The following INTS4 variants were observed in gnomAD, a reference collection of about 807,000 sequenced individuals.
INTS4 encodes MSTP093.
Under a neutral mutation model 119.5 loss-of-function variants are expected in INTS4, and 70 were observed. The ratio of observed to expected loss-of-function variants is 0.59; its 90% CI spans 0.48 to 0.71. The LOEUF (loss-of-function observed/expected upper bound fraction) is 0.71, where lower values mean the gene tolerates loss of function less well. INTS4 is among the 30% of genes least tolerant of loss of function. The pLI is 0.00. For synonymous variants in INTS4, 316 were observed against 419.6 expected (o/e 0.75, Z 3.02); for missense variants, 867 against 1,173.2 (o/e 0.74, Z 3.81).
In INTS4 at chr11:77,936,836, C is replaced by A. The variant is rs581906; in HGVS notation, c.1165+1815G>T. On this transcript the variant is annotated intron_variant, in intron 10 of 22. Transcript: ENST00000534064. The stretch of plus-strand genomic sequence containing the variant: ...AACAATGTCAGTATCCTAATGCATG[C>A]GTAATGAAAGTCGCCAAAGGGCCTG... Among the ~76,000 whole-genome samples the A allele has an allele frequency of 5.2e-4, 79 of 151,920 alleles. 1 individual carries two copies. In the Middle Eastern group the frequency reaches 0.017, roughly 33 times the overall value.
In INTS4 at chr11:77,925,792, T is replaced by TC. The variant is rs1953484411; in HGVS notation, c.1372-901dup. On this transcript the variant is annotated intron_variant, in intron 11 of 22. Transcript: ENST00000534064. ...CACTGTGGTTCACTCCTACTGGCTT[T>TC]CTCTCTATTCTGCAAACACAACAAA... Among the ~76,000 whole-genome samples the TC allele has an allele frequency of 2.0e-5, 3 of 152,200 alleles. No homozygotes were observed. The South Asian group carries it at 6.2e-4, about 31-fold the overall frequency.
In INTS4 at chr11:77,913,695, TATC is replaced by T. The variant is rs1319117914; in HGVS notation, c.1922+5123_1922+5125del. The stretch of plus-strand genomic sequence containing the variant: ...ATATTCTCAAAATGCTTTTGCCACA[TATC>T]ATTACAATAATCTTCGCAACAGTTC... On this transcript the variant is annotated intron_variant, in intron 15 of 22. Coordinates refer to ENST00000534064, the MANE Select transcript of INTS4 (RefSeq NM_033547.4). Among the ~76,000 whole-genome samples the T allele has an allele frequency of 2.0e-5, 3 of 152,218 alleles. 1 individual carries two copies.
chr11:77,924,242 A>AC (rs1300930478), intron 12 of INTS4, among the ~76,000 whole-genome samples: 5 of 151,098 alleles, frequency 3.3e-5, no homozygotes, highest in African/African-American at 4.9e-5. Context: ...TAAAAAAAAA[A>AC]ACAAAAATTA....
Position 77,955,978 on chromosome 11 carries a change from G to A in INTS4, c.882C>T (p.Gly294=), listed in dbSNP as rs1283446296. The change falls in exon 8 of 23, where the codon GGC becomes GGT. Residue 294 remains glycine (G), a synonymous_variant. Transcript: ENST00000534064. The part of the protein sequence containing the change: ...FGKICHMVSD[G]SWVVRVQAAK... ...CTGCCTGAACACGAACCACCCAAGA[G>A]CCATCACTGACCATGTGACAAATTT... 6.2e-7 allele frequency: 1 copy of A among 1,611,648 alleles called. No homozygotes were observed. The highest frequency in any genetic ancestry group is 1.7e-5 in the Admixed American group (1 of 59,964).
At position 77,960,095 on chromosome 11, in the gene INTS4, T is replaced by C. The variant is rs2034499; in HGVS notation, c.708+246A>G. ...CTACACTTTTCTTCAGGTACTCTCA[T>C]TCTCATACTGAACTTTGTAAATCCT... is the stretch of plus-strand genomic sequence containing the variant. On this transcript the variant is annotated intron_variant, in intron 6 of 22. Coordinates refer to ENST00000534064, the MANE Select transcript of INTS4 (RefSeq NM_033547.4). Among the ~76,000 whole-genome samples the C allele has an allele frequency of 0.74, 112,984 of 151,974 alleles. 42,515 individuals carry two copies. The highest frequency in any genetic ancestry group is 0.85 in the African/African-American group (35,139 of 41,490).
intron 2 of INTS4, among the ~76,000 whole-genome samples, chr11:77,989,932 T>G (rs1027912895): frequency 1.3e-5 from 2 of 151,952 alleles, no homozygotes; most frequent in East Asian, 1.9e-4. Flanking sequence ...TAATGATTTT[T>G]GGGCTGGGAA....
At chr11:77,963,261 T>C (rs935468610) in intron 4 of INTS4, among the ~76,000 whole-genome samples, 1 of 150,196 alleles carries the variant, frequency 6.7e-6, no homozygotes, top group South Asian at 2.1e-4. Flanking sequence ...TACAATTTTA[T>C]GATGTCCTTC....
chr11:77,972,837 T>C (rs929086680), intron 4 of INTS4, among the ~76,000 whole-genome samples: 2 of 151,774 alleles, frequency 1.3e-5, no homozygotes, highest in Admixed American at 6.6e-5. Flanking sequence ...GTGGGTTTTT[T>C]TTTTTTTTTA....
rs753573255 is a variant in INTS4 at position 77,979,136 on chromosome 11, T to C, written c.365-34A>G. Reference sequence around the variant, plus strand: ...GGAGATAGAAAGTTGGCTTGTAGAATTTCGAAAGGGGTAACTATATAAACT... The same window carrying C: ...GGAGATAGAAAGTTGGCTTGTAGAACTTCGAAAGGGGTAACTATATAAACT... On this transcript the variant is annotated intron_variant, in intron 3 of 22. Coordinates refer to ENST00000534064, the MANE Select transcript of INTS4 (RefSeq NM_033547.4). 3 of 1,271,562 alleles carry C rather than the reference T, an allele frequency of 2.4e-6. No individual in the cohort carries two copies. In the East Asian group the frequency reaches 7.0e-5, roughly 30 times the overall value. The allele number at this position is 1,271,562 out of a possible 1,614,324, so 78.8% of individuals were successfully genotyped here.
intron 2 of INTS4, among the ~76,000 whole-genome samples, chr11:77,988,816 T>G (rs911720138): frequency 2.0e-5 from 3 of 152,184 alleles, no homozygotes; most frequent in Non-Finnish European, 2.9e-5. Flanking sequence ...GTAAATGAAT[T>G]CAGAAAACAA....
At chr11:77,875,682 T>C (rs1240018819), downstream of INTS4, among the ~76,000 whole-genome samples, 3 of 152,136 alleles carry the variant, frequency 2.0e-5, no homozygotes, top group East Asian at 3.8e-4. Context: ...TACTATACTA[T>C]GTGTGAAGAA....
chr11:77,950,936 T>C (rs1442004248), intron 8 of INTS4, among the ~76,000 whole-genome samples: 2 of 142,874 alleles, frequency 1.4e-5, no homozygotes, highest in Admixed American at 7.4e-5. Context: ...TGTGTTCTCA[T>C]TGTTCAATTC....
intron 6 of INTS4, 122 bp downstream of exon 6, chr11:77,960,219 A>C (rs1421515698): frequency 3.1e-6 from 2 of 652,836 alleles, no homozygotes; most frequent in African/African-American, 3.6e-5. Context: ...CATCCATCCC[A>C]ATCAACGCTG....
chr11:77,987,612 T>A (rs911177322), intron 2 of INTS4: 1 of 450,232 alleles, frequency 2.2e-6, no homozygotes, highest in African/African-American at 2.0e-5. Flanking sequence ...ACGTCTGTAA[T>A]CCCAATCCTT....
At chr11:77,917,957 T>A in intron 15 of INTS4, 1 of 662,156 alleles carries the variant, frequency 1.5e-6, no homozygotes, top group South Asian at 1.6e-5. Context: ...TTCTAGTCAA[T>A]GGAATGCAAG....
At chr11:77,986,021 A>T (rs1856443481) in intron 2 of INTS4, among the ~76,000 whole-genome samples, 1 of 152,214 alleles carries the variant, frequency 6.6e-6, no homozygotes, top group Non-Finnish European at 1.5e-5. Context: ...GGTAAAAAAC[A>T]CTATGGTCAA....
At chr11:77,960,425 A>G in intron 5 of INTS4, 34 bp from the exon 6 acceptor site, 1 of 1,438,084 alleles carries the variant, frequency 7.0e-7, no homozygotes, top group South Asian at 1.2e-5. Flanking sequence ...AGTGCTTGGG[A>G]GGAAAAGAGC....
intron 21 of INTS4, 133 bp from the exon 22 acceptor site, chr11:77,884,085 G>A (rs965760772): frequency 8.2e-6 from 7 of 854,462 alleles, no homozygotes; most frequent in Admixed American, 2.3e-5. Context: ...GAGCCTTGGG[G>A]GTAGGTCAAC....
chr11:77,891,618 C>A, intron 20 of INTS4, 63 bp downstream of exon 20: 2 of 1,580,372 alleles, frequency 1.3e-6, no homozygotes, highest in Non-Finnish European at 1.7e-6. Context: ...AAGAAGATCA[C>A]CAAGGTAAAG....
Sources: allele counts gnomAD v4.1 joint callset (sites outside exome capture counted in the v4.1 genomes callset), GRCh38; gene constraint gnomAD v4.1.1; transcripts MANE v1.5; gene names NCBI Gene and HGNC (gene_info 2026-07-23, HGNC 2026-07-21).